Variants in INTS3 observed in about 807,000 individuals in gnomAD.
INTS3 encodes the protein SOSS complex subunit A.
A neutral mutation model predicts 146.3 loss-of-function variants in INTS3; 34 were observed. That is an observed-to-expected ratio of 0.23 (90% CI 0.18 to 0.31). INTS3 has a LOEUF of 0.31. Ranked by LOEUF, INTS3 falls within the 10% of genes least tolerant of loss-of-function variation. The pLI, the probability that INTS3 is intolerant of heterozygous loss-of-function variation, is 1.00. For synonymous variants in INTS3, 475 were observed against 494.9 expected, an observed-to-expected ratio of 0.96 and a Z score of 0.53; for missense variants, 757 against 1,304.2, an observed-to-expected ratio of 0.58 and a Z score of 6.46.
At position 153,772,978 on chromosome 1, in the gene INTS3, C is replaced by T; in HGVS notation, c.2948C>T (p.Pro983Leu). 1 of 1,614,154 alleles carries T rather than the reference C, an allele frequency of 6.2e-7. No homozygotes were observed. Among genetic ancestry groups the T allele is most frequent in the Non-Finnish European group, 8.5e-7 (1 of 1,180,034 alleles). The change falls in exon 29 of 30, where the codon CCA becomes CTA. Residue 983 changes from proline (P) to leucine (L), a missense_variant. Physicochemically the swap from Pro to Leu is moderately conservative, Grantham distance 98. Coordinates refer to ENST00000318967, the MANE Select transcript of INTS3 (RefSeq NM_023015.5). This position sits in a 1 kb window ranked among gnomAD's most constrained non-coding sequence, Gnocchi z 4.6. ...GAATATGAGGACTCTTCCACCAAGC[C>T]ACCCAAGAGCCGGCGAAAAGCAGCT... ...AEEYEDSSTK[P>L]PKSRRKAALS...
At chr1:153,738,084 A>G (rs1288061731) in intron 1 of INTS3, among the ~76,000 whole-genome samples, 1 of 152,130 alleles carries the variant, frequency 6.6e-6, no homozygotes, top group Non-Finnish European at 1.5e-5. Context: ...CTTTTAAAAA[A>G]CATAATCATA....
intron 3 of INTS3, among the ~76,000 whole-genome samples, chr1:153,744,242 G>C (rs977745979): frequency 2.6e-5 from 4 of 152,178 alleles, no homozygotes; most frequent in African/African-American, 9.7e-5. Context: ...GACAGTATCT[G>C]CTGTCTTCAT....
At position 153,772,293 on chromosome 1, in the gene INTS3, T is replaced by C; in HGVS notation, c.2721-47T>C. The C allele has an allele frequency of 6.3e-7, 1 of 1,596,092 alleles. No individual in the cohort carries two copies. The highest frequency in any genetic ancestry group is 8.6e-7 in the Non-Finnish European group (1 of 1,168,974). On this transcript the variant is annotated intron_variant, in intron 26 of 29. Transcript: ENST00000318967. The surrounding 1 kb of genome is among the most constrained non-coding windows in gnomAD (Gnocchi z 4.6). Reference sequence around the variant, plus strand: ...GGCGGGTGGAGGGTGTCTCGCACTCTGGAACCCTCCCACACTCAGACTCTG... The same window carrying C: ...GGCGGGTGGAGGGTGTCTCGCACTCCGGAACCCTCCCACACTCAGACTCTG...
rs372891632 is a variant in INTS3, at chr1:153,760,307, C to T, written c.1238-4C>T. On this transcript the variant is annotated splice_region_variant and splice_polypyrimidine_tract_variant and intron_variant, in intron 11 of 29. Coordinates refer to ENST00000318967, the MANE Select transcript of INTS3 (RefSeq NM_023015.5). ...GAGGGGCTCTTTAATTTCACATCCTCCAGAACCAGCCATCCTGGTCATGCA... is the reference window on the plus strand; with the variant it reads ...GAGGGGCTCTTTAATTTCACATCCTTCAGAACCAGCCATCCTGGTCATGCA... 15 of 1,608,186 alleles carry T rather than the reference C, an allele frequency of 9.3e-6. No homozygotes were observed. The highest frequency in any genetic ancestry group is 1.3e-5 in the Non-Finnish European group (15 of 1,175,032).
Position 153,773,335 on chromosome 1 carries a change from A to G in INTS3, c.*65A>G. 6.9e-7 allele frequency: 1 copy of G among 1,439,130 alleles called. No homozygotes were observed. Among genetic ancestry groups the G allele is most frequent in the Non-Finnish European group, 9.8e-7 (1 of 1,020,578 alleles). 89.1% of individuals were successfully genotyped at this position (1,439,130 alleles called of 1,614,324 possible). A position where few individuals can be genotyped will look rare whatever the true frequency, so the allele number is the denominator to read the frequency against. On this transcript the variant is annotated 3_prime_UTR_variant, in exon 30 of 30. Transcript: ENST00000318967. ...TCTCCTTCTTGGTGATTCAAAGGTT[A>G]ATAGAGGCTGAGGAGATTGCAGGGG... is the stretch of plus-strand genomic sequence containing the variant.
Position 153,747,586 on chromosome 1 carries a change from T to A in INTS3, c.517+223T>A, listed in dbSNP as rs918446460. The A allele has an allele frequency of 2.9e-5, 17 of 585,006 alleles. No homozygotes were observed. In the African/African-American group the frequency reaches 3.2e-4, roughly 11 times the overall value. 36.2% of individuals were successfully genotyped at this position (585,006 alleles called of 1,614,324 possible). ...GTAAGTCTTGCCTCATTTTCTTTCC[T>A]GCTAAACCCAGGGCTTGACAGAATA... On this transcript the variant is annotated intron_variant, in intron 5 of 29. Coordinates refer to ENST00000318967, the MANE Select transcript of INTS3 (RefSeq NM_023015.5).
rs761256554 is a variant in INTS3 at position 153,772,378 on chromosome 1, T to C, written c.2759T>C (p.Leu920Pro). Residue 920 changes from leucine (L) to proline (P), a missense_variant, in exon 27 of 30, where the codon CTG becomes CCG. Leu to Pro is a moderately conservative substitution (Grantham distance 98). This residue lies in a region of INTS3 where 125 missense variants were observed against 165.6 expected (regional missense o/e 0.75). Coordinates refer to ENST00000318967, the MANE Select transcript of INTS3 (RefSeq NM_023015.5). This position sits in a 1 kb window ranked among gnomAD's most constrained non-coding sequence, Gnocchi z 4.6. ...AGCAGCAAGCTGGCCCAGCTGACTC[T>C]GGAGCAGATCCTGGAGCACTTGGAC... ...SSSSKLAQLT[L>P]EQILEHLDNL... The C allele has an allele frequency of 1.2e-6, 2 of 1,614,152 alleles. No individual in the cohort carries two copies. The highest frequency in any genetic ancestry group is 1.7e-6 in the Non-Finnish European group (2 of 1,180,030).
chr1:153,746,255 T>A (rs1031549892), intron 3 of INTS3, among the ~76,000 whole-genome samples: 1 of 152,196 alleles, frequency 6.6e-6, no homozygotes, highest in Non-Finnish European at 1.5e-5. Flanking sequence ...GCAGTGACCT[T>A]TTACTGACTG....
At chr1:153,760,232 CAAA>C (rs58951043) in intron 11 of INTS3, 76 bp from the exon 12 acceptor site, 13,591 of 385,840 alleles carry the variant, frequency 0.035, 31 homozygotes, top group African/African-American at 0.11. Flanking sequence ...GACTCTGTTT[CAAA>C]AAAAAAAAAA....
Position 153,757,783 on chromosome 1 carries a change from G to A in INTS3, c.1149+20G>A, listed in dbSNP as rs187788086. 1,823 of 1,600,552 alleles carry A rather than the reference G, an allele frequency of 1.1e-3. 2 individuals are homozygous for A. Among genetic ancestry groups the A allele is most frequent in the Non-Finnish European group, 1.5e-3 (1,700 of 1,169,542 alleles). On this transcript the variant is annotated intron_variant, in intron 10 of 29. Transcript: ENST00000318967. The surrounding 1 kb of genome is among the most constrained non-coding windows in gnomAD (Gnocchi z 4.0). ...TGCACGGTGAGGGCAAAAGATACTGGGTGGTGAAGGGTGCCTCTTCCATGG... is the reference window on the plus strand; with the variant it reads ...TGCACGGTGAGGGCAAAAGATACTGAGTGGTGAAGGGTGCCTCTTCCATGG...
At chr1:153,733,484 T>TA (rs1671168810) in intron 1 of INTS3, among the ~76,000 whole-genome samples, 1 of 151,944 alleles carries the variant, frequency 6.6e-6, no homozygotes, top group Admixed American at 6.6e-5. Flanking sequence ...GTGCTGGGAT[T>TA]ACAGGCGTGA....
intron 23 of INTS3, 94 bp from the exon 24 acceptor site, chr1:153,770,104 C>CGTT: frequency 2.9e-6 from 1 of 346,744 alleles, no homozygotes; most frequent in Non-Finnish European, 5.2e-6. Flanking sequence ...TGTGTGTGTG[C>CGTT]TGGTAGTCAG....
chr1:153,740,784 G>GA, intron 2 of INTS3, 50 bp downstream of exon 2: 1 of 1,401,330 alleles, frequency 7.1e-7, no homozygotes, highest in Non-Finnish European at 1.0e-6. Context: ...TGAAGGTCTT[G>GA]AAACATGGTC....
At chr1:153,761,336 C>T (rs1672374478) in intron 13 of INTS3, 1 of 500,788 alleles carries the variant, frequency 2.0e-6, no homozygotes, top group South Asian at 2.8e-5. Context: ...CATGGCAAAA[C>T]CCGTGTCTAC....
chr1:153,744,027 G>T (rs977001911), intron 3 of INTS3, among the ~76,000 whole-genome samples: 2 of 136,706 alleles, frequency 1.5e-5, no homozygotes, highest in Non-Finnish European at 3.1e-5. Flanking sequence ...CTCACTGAGG[G>T]TGTGCATGTG....
Position 153,772,493 on chromosome 1 carries a change from C to T in INTS3, c.2821+53C>T. ...GTAGACGGTGCTGCCCTGGCCCAGA[C>T]TATGCCTGGAGCCAGGCTGGGGGCA... On this transcript the variant is annotated intron_variant, in intron 27 of 29. Transcript: ENST00000318967. This position sits in a 1 kb window ranked among gnomAD's most constrained non-coding sequence, Gnocchi z 4.6. 1 of 1,613,796 alleles carries T rather than the reference C, an allele frequency of 6.2e-7. No homozygotes were observed. The highest frequency in any genetic ancestry group is 8.5e-7 in the Non-Finnish European group (1 of 1,179,842).
intron 1 of INTS3, among the ~76,000 whole-genome samples, chr1:153,732,987 G>A (rs896944180): frequency 1.1e-4 from 16 of 150,694 alleles, no homozygotes; most frequent in Non-Finnish European, 2.2e-4. Context: ...TGTATTTTTA[G>A]TAGAGACAGG....
chr1:153,736,213 T>G (rs1175842118), intron 1 of INTS3, among the ~76,000 whole-genome samples: 2 of 152,194 alleles, frequency 1.3e-5, no homozygotes, highest in Admixed American at 1.3e-4. Flanking sequence ...ACACAGGTGC[T>G]TTTTATTCAG....
At chr1:153,740,131 G>A (rs891874769) in intron 1 of INTS3, among the ~76,000 whole-genome samples, 16 of 150,938 alleles carry the variant, frequency 1.1e-4, no homozygotes, top group African/African-American at 3.4e-4. Flanking sequence ...ACAGGGTCTC[G>A]CTCTGTCACC....
Sources: gnomAD v4.1 joint callset for allele counts (sites outside exome capture counted in the v4.1 genomes callset) on GRCh38, gnomAD v4.1.1 for gene constraint, gnomAD v4.1.1 regional missense constraint, Gnocchi (gnomAD v3.1) non-coding constraint, MANE v1.5 for transcripts, NCBI Gene and HGNC (gene_info 2026-07-23, HGNC 2026-07-21) for gene names.